FAM72A: variants seen among roughly 807,000 people sequenced by gnomAD.
FAM72A encodes protein FAM72A.
FAM72A carries 1 observed loss-of-function variant against 11.3 expected under a neutral mutation model. The ratio of observed to expected loss-of-function variants is 0.09; its 90% CI spans 0.03 to 0.42. FAM72A has a LOEUF of 0.42. FAM72A is among the 10% of genes least tolerant of loss of function. The pLI, the probability that FAM72A is intolerant of heterozygous loss-of-function variation, is 0.98. For missense variants in FAM72A, 15 were observed against 135.5 expected, an observed-to-expected ratio of 0.11 and a Z score of 4.41; for synonymous variants, 5 against 46.9, an observed-to-expected ratio of 0.11 and a Z score of 3.65.
Position 206,191,612 on chromosome 1 carries a change from C to CAA in FAM72A, c.355+4138_355+4139dup, listed in dbSNP as rs541222246. Among the ~76,000 whole-genome samples the CAA allele has an allele frequency of 2.4e-3, 204 of 85,438 alleles. 5 individuals carry two copies. The highest frequency in any genetic ancestry group is 8.5e-3 in the African/African-American group (195 of 23,006). 56.1% of individuals were successfully genotyped at this position (85,438 alleles called of 152,430 possible). A position where few individuals can be genotyped will look rare whatever the true frequency, so the allele number is the denominator to read the frequency against. ...GGGAAACAAGAGTGAAACTCTGTCTCAAAAAAAAAAAAAAAGAATTAGTAT... is the reference window on the plus strand; with the variant it reads ...GGGAAACAAGAGTGAAACTCTGTCTCAAAAAAAAAAAAAAAAAGAATTAGTAT... On this transcript the variant is annotated intron_variant, in intron 3 of 3. Transcript: ENST00000367128.
chr1:206,203,860 T>A (rs1194034074), upstream of FAM72A: 1 of 1,455,164 alleles, frequency 6.9e-7, no homozygotes, highest in East Asian at 2.5e-5. Context: ...GGACTGCGAG[T>A]CTCTCCGCCC....
At chr1:206,191,393 C>T (rs1485868483) in intron 3 of FAM72A, among the ~76,000 whole-genome samples, 2 of 130,088 alleles carry the variant, frequency 1.5e-5, no homozygotes, top group East Asian at 2.2e-4. Context: ...CTGAGGCAGG[C>T]GGATCCCCTG....
At chr1:206,203,529 G>T (rs1407641817), upstream of FAM72A, 4 of 511,786 alleles carry the variant, frequency 7.8e-6, no homozygotes, top group Non-Finnish European at 1.4e-5. Flanking sequence ...CGGAGTTGGC[G>T]GAGGCTCCTC....
intron 3 of FAM72A, among the ~76,000 whole-genome samples, chr1:206,187,638 C>T (rs1553297059): frequency 6.6e-6 from 1 of 152,152 alleles, no homozygotes; most frequent in African/African-American, 2.4e-5. Flanking sequence ...AATCACAGAT[C>T]ACTGCAGCCT....
intron 2 of FAM72A, among the ~76,000 whole-genome samples, chr1:206,196,130 T>G (rs1571532530): frequency 6.8e-6 from 1 of 146,590 alleles, no homozygotes; most frequent in East Asian, 2.0e-4. Flanking sequence ...TGAGACCGAG[T>G]TTTGCTCTTG....
intron 2 of FAM72A, among the ~76,000 whole-genome samples, chr1:206,198,267 G>A (rs1553298631): frequency 6.7e-6 from 1 of 150,114 alleles, no homozygotes. Flanking sequence ...AGGAGGCTGA[G>A]GCAGGAGATT....
At chr1:206,196,829 T>C (rs1240321488) in intron 2 of FAM72A, among the ~76,000 whole-genome samples, 3 of 151,654 alleles carry the variant, frequency 2.0e-5, no homozygotes, top group African/African-American at 4.9e-5. Context: ...ACATATTAAA[T>C]AGAGTGAACC....
intron 2 of FAM72A, among the ~76,000 whole-genome samples, 184 bp from the exon 3 acceptor site, chr1:206,196,060 GAAT>G (rs1665040472): frequency 6.9e-6 from 1 of 144,918 alleles, no homozygotes; most frequent in Non-Finnish European, 1.5e-5. Flanking sequence ...GTCTTTAAGT[GAAT>G]AATAGTAAAA....
chr1:206,192,831 C>G (rs1326511695), intron 3 of FAM72A, among the ~76,000 whole-genome samples: 21 of 146,928 alleles, frequency 1.4e-4, no homozygotes, highest in Non-Finnish European at 2.6e-4. Context: ...GATGTAGAAG[C>G]TGCAGCAAGT....
intron 3 of FAM72A, among the ~76,000 whole-genome samples, chr1:206,190,524 C>A (rs1169061424): frequency 1.3e-5 from 2 of 149,436 alleles, no homozygotes; most frequent in Non-Finnish European, 2.9e-5. Context: ...CTAAAGGAGA[C>A]TAAAACTTGC....
chr1:206,200,772 TAA>T (rs1307315482), intron 1 of FAM72A, among the ~76,000 whole-genome samples: 2 of 108,700 alleles, frequency 1.8e-5, no homozygotes, highest in African/African-American at 8.2e-5. Context: ...TTAAAAAAAT[TAA>T]AAAGATTTTA....
At chr1:206,198,048 C>T (rs1216788611) in intron 2 of FAM72A, among the ~76,000 whole-genome samples, 1 of 150,870 alleles carries the variant, frequency 6.6e-6, no homozygotes, top group East Asian at 1.9e-4. Flanking sequence ...GGCGAAATCC[C>T]GTCTCTACTA....
intron 2 of FAM72A, among the ~76,000 whole-genome samples, chr1:206,198,970 C>T (rs1205458690): frequency 5.1e-4 from 76 of 148,316 alleles, no homozygotes; most frequent in South Asian, 1.7e-3. Flanking sequence ...TAATCCCAGC[C>T]ACTCAGGAGG....
chr1:206,193,132 C>T (rs1358041515), intron 3 of FAM72A, among the ~76,000 whole-genome samples: 5 of 151,126 alleles, frequency 3.3e-5, no homozygotes, highest in African/African-American at 1.2e-4. Context: ...AGGCTGGTCT[C>T]GAACTCCCAA....
chr1:206,189,543 T>C (rs1664691196), intron 3 of FAM72A, among the ~76,000 whole-genome samples: 1 of 130,094 alleles, frequency 7.7e-6, no homozygotes, highest in Non-Finnish European at 1.5e-5. Context: ...TGTAAGGAAT[T>C]GCGAGGCAAA....
chr1:206,204,987 G>A (rs1157929301), upstream of FAM72A: 1 of 151,650 alleles, frequency 6.6e-6, no homozygotes, highest in Non-Finnish European at 1.5e-5. Flanking sequence ...GGCGGGAGAG[G>A]AAGAAAAGTT....
At position 206,193,472 on chromosome 1, in the gene FAM72A, C is replaced by T. The variant is rs1336602176; in HGVS notation, c.355+2280G>A. Among the ~76,000 whole-genome samples, 16 of 152,264 alleles carry T rather than the reference C, an allele frequency of 1.1e-4. No individual in the cohort carries two copies. The East Asian group carries it at 3.1e-3, about 29-fold the overall frequency. Reference sequence around the variant, plus strand: ...CCTCCCAAAGTCCTGGGATTATAGGCGTGAACCACTGCGTCCGGCAGAGAT... The same window carrying T: ...CCTCCCAAAGTCCTGGGATTATAGGTGTGAACCACTGCGTCCGGCAGAGAT... On this transcript the variant is annotated intron_variant, in intron 3 of 3. Coordinates refer to ENST00000367128, the MANE Select transcript of FAM72A (RefSeq NM_001123168.3).
chr1:206,203,544 G>A (rs568677842), upstream of FAM72A: 1,019 of 562,214 alleles, frequency 1.8e-3, 2 homozygotes, highest in Non-Finnish European at 2.5e-3. Context: ...CTCCTCCAGG[G>A]ACTGGGGCAC....
chr1:206,191,298 CAA>C lies in FAM72A; in HGVS notation c.356-3927_356-3926del, dbSNP rs147872269. On this transcript the variant is annotated intron_variant, in intron 3 of 3. Transcript: ENST00000367128. ...CCTGGGTGACAGAATGACTCCATCT[CAA>C]AAAAAAAAAAAAAAAAAGGTACTTC... Among the ~76,000 whole-genome samples, 91 of 46,278 alleles carry C rather than the reference CAA, an allele frequency of 2.0e-3. 1 individual carries two copies. The highest frequency in any genetic ancestry group is 0.013 in the African/African-American group (83 of 6,242). 30.4% of individuals were successfully genotyped at this position (46,278 alleles called of 152,430 possible).
Sources: gnomAD v4.1 joint callset for allele counts (sites outside exome capture counted in the v4.1 genomes callset) on GRCh38, gnomAD v4.1.1 for gene constraint, MANE v1.5 for transcripts, NCBI Gene and HGNC (gene_info 2026-07-23, HGNC 2026-07-21) for gene names.